The following USP32 variants were observed in gnomAD, a reference collection of about 807,000 sequenced individuals.
USP32 encodes the protein ubiquitin specific peptidase 32, also known as ubiquitin carboxyl-terminal hydrolase 32.
Under a neutral mutation model 204.8 loss-of-function variants are expected in USP32, and 59 were observed. The observed-to-expected ratio is 0.29, with a 90% CI of 0.23 to 0.36. USP32 has a LOEUF of 0.36. Ranked by LOEUF, USP32 falls within the 10% of genes least tolerant of loss-of-function variation. USP32 has a pLI of 1.00. For missense variants in USP32, 1,160 were observed against 1,946.4 expected (o/e 0.60, Z 7.60); for synonymous variants, 517 against 678.4 (o/e 0.76, Z 3.70).
chr17:60,371,344 A>C (rs1338949430), intron 1 of USP32, among the ~76,000 whole-genome samples: 1 of 151,854 alleles, frequency 6.6e-6, no homozygotes, highest in African/African-American at 2.4e-5. Context: ...AGGCGGGTGG[A>C]TCACCTGAGG....
chr17:60,193,063 GTTAC>G (rs769192819), intron 27 of USP32, 133 bp from the exon 28 acceptor site: 11 of 875,200 alleles, frequency 1.3e-5, no homozygotes, highest in Non-Finnish European at 1.8e-5. Flanking sequence ...ACAGCTCAAT[GTTAC>G]TTACCCTAAT....
chr17:60,364,458 CA>C (rs2089275080), intron 1 of USP32, among the ~76,000 whole-genome samples: 1 of 152,178 alleles, frequency 6.6e-6, no homozygotes, highest in Non-Finnish European at 1.5e-5. Context: ...CCACTCACCG[CA>C]ACCTTTGCCT....
chr17:60,352,331 A>C (rs1184010580), intron 1 of USP32, among the ~76,000 whole-genome samples: 1 of 152,176 alleles, frequency 6.6e-6, no homozygotes, highest in Non-Finnish European at 1.5e-5. Flanking sequence ...CAGCCATTTT[A>C]CACACCTATT....
At chr17:60,311,705 A>G (rs2087858637) in intron 2 of USP32, among the ~76,000 whole-genome samples, 1 of 152,138 alleles carries the variant, frequency 6.6e-6, no homozygotes, top group African/African-American at 2.4e-5. Context: ...GGCACTTGTA[A>G]TCCCAGCTAC....
At chr17:60,382,802 C>T (rs1252776017) in intron 1 of USP32, among the ~76,000 whole-genome samples, 1 of 152,136 alleles carries the variant, frequency 6.6e-6, no homozygotes, top group Admixed American at 6.5e-5. Context: ...AAATTTTATA[C>T]ATAACCAAAA....
chr17:60,267,966 G>T (rs2086636978), intron 7 of USP32, among the ~76,000 whole-genome samples: 1 of 151,820 alleles, frequency 6.6e-6, no homozygotes, highest in South Asian at 2.1e-4. Context: ...GCCTGCCACT[G>T]CACCCAGTTA....
intron 12 of USP32, among the ~76,000 whole-genome samples, chr17:60,231,105 T>A (rs2085535876): frequency 6.6e-6 from 1 of 152,204 alleles, no homozygotes; most frequent in Admixed American, 6.5e-5. Flanking sequence ...TAGGTACTTA[T>A]TTTAATATAA....
chr17:60,346,913 C>A (rs942428033), intron 1 of USP32, among the ~76,000 whole-genome samples: 2 of 152,120 alleles, frequency 1.3e-5, no homozygotes, highest in African/African-American at 2.4e-5. Flanking sequence ...AAACGATAAA[C>A]CTAGAGAGGC....
intron 5 of USP32, among the ~76,000 whole-genome samples, chr17:60,287,445 CT>C (rs1425293792): frequency 2.0e-5 from 3 of 152,158 alleles, no homozygotes; most frequent in African/African-American, 7.2e-5. Flanking sequence ...TTTAAAAACC[CT>C]TACCCATGAG....
chr17:60,299,709 T>C (rs961666338), intron 3 of USP32, among the ~76,000 whole-genome samples: 7 of 152,208 alleles, frequency 4.6e-5, no homozygotes, highest in Non-Finnish European at 1.0e-4. Context: ...CTGAGAAATT[T>C]AGAAGCAGTC....
chr17:60,321,354 G>A (rs9908720), intron 2 of USP32, among the ~76,000 whole-genome samples: 3,115 of 152,270 alleles, frequency 0.02, 98 homozygotes, highest in African/African-American at 0.07. Flanking sequence ...ACGTAAGACT[G>A]GTGGGAACTG....
intron 9 of USP32, among the ~76,000 whole-genome samples, chr17:60,259,701 G>A (rs1325581351): frequency 6.6e-6 from 1 of 152,140 alleles, no homozygotes; most frequent in Non-Finnish European, 1.5e-5. Flanking sequence ...GGTGGTAGGA[G>A]GTGTTCCTTA....
chr17:60,277,918 CTTTTTTT>C (rs11422765), intron 5 of USP32, among the ~76,000 whole-genome samples: 7 of 132,714 alleles, frequency 5.3e-5, no homozygotes, highest in African/African-American at 2.1e-4. Flanking sequence ...ATAATAGTTC[CTTTTTTT>C]TTTTTTTTTT....
intron 26 of USP32, among the ~76,000 whole-genome samples, chr17:60,202,285 A>C (rs1420641755): frequency 6.6e-6 from 1 of 152,210 alleles, no homozygotes; most frequent in Admixed American, 6.6e-5. Flanking sequence ...TCTTGTACCA[A>C]TATGACATTA....
intron 1 of USP32, among the ~76,000 whole-genome samples, chr17:60,359,509 T>C (rs2089157091): frequency 6.6e-6 from 1 of 152,110 alleles, no homozygotes; most frequent in African/African-American, 2.4e-5. Flanking sequence ...CAGTAAGAAC[T>C]CAGAAAAAAT....
chr17:60,349,400 T>C (rs1391955438), intron 1 of USP32, among the ~76,000 whole-genome samples: 1 of 148,562 alleles, frequency 6.7e-6, no homozygotes, highest in Non-Finnish European at 1.5e-5. Context: ...GCCAACATGG[T>C]GAAATCCCAT....
chr17:60,205,345 A>G, intron 26 of USP32, 102 bp downstream of exon 26: 1 of 1,432,076 alleles, frequency 7.0e-7, no homozygotes. Flanking sequence ...TAAAGAAAAG[A>G]AGAGAAGAAA....
chr17:60,290,269 T>C (rs1307343816), intron 4 of USP32, among the ~76,000 whole-genome samples: 1 of 152,162 alleles, frequency 6.6e-6, no homozygotes, highest in African/African-American at 2.4e-5. Context: ...TATGTAACAC[T>C]CCCATTTTTA....
At chr17:60,309,609 TA>T (rs1197747618) in intron 2 of USP32, among the ~76,000 whole-genome samples, 1 of 151,752 alleles carries the variant, frequency 6.6e-6, no homozygotes, top group Non-Finnish European at 1.5e-5. Flanking sequence ...CTAAAAAAAA[TA>T]AAGAAATGGG....
Sources: allele counts gnomAD v4.1 joint callset (sites outside exome capture counted in the v4.1 genomes callset), GRCh38; gene constraint gnomAD v4.1.1; transcripts MANE v1.5; gene names NCBI Gene and HGNC (gene_info 2026-07-23, HGNC 2026-07-21).